PTPRN2: variants seen among roughly 807,000 people sequenced by gnomAD.
The protein encoded by PTPRN2 is protein tyrosine phosphatase receptor type N2.
In PTPRN2, 74 loss-of-function variants were observed where a neutral mutation model predicts 118.8. The observed-to-expected ratio is 0.62, with a 90% CI of 0.52 to 0.76. The LOEUF is 0.76. PTPRN2 is among the 30% of genes least tolerant of loss of function. The probability of loss-of-function intolerance (pLI) is 0.00; values close to 1 mark genes in which losing one functional copy is unlikely to be tolerated. For missense variants in PTPRN2, 1,481 were observed against 1,394.4 expected (o/e 1.06, Z -0.99); for synonymous variants, 641 against 608.0 (o/e 1.05, Z -0.80).
At chr7:158,146,195 G>T (rs1251022926) in intron 6 of PTPRN2, among the ~76,000 whole-genome samples, 2 of 152,118 alleles carry the variant, frequency 1.3e-5, no homozygotes, top group Admixed American at 1.3e-4. Context: ...AGTCACACAA[G>T]CTGACAGGCA....
At chr7:158,391,925 G>C (rs1811960204) in intron 2 of PTPRN2, among the ~76,000 whole-genome samples, 1 of 152,242 alleles carries the variant, frequency 6.6e-6, no homozygotes, top group Non-Finnish European at 1.5e-5. Flanking sequence ...TCAGGAATGA[G>C]CACCTTTGAG....
intron 5 of PTPRN2, among the ~76,000 whole-genome samples, chr7:158,171,711 C>G (rs1563556387): frequency 1.3e-5 from 2 of 152,090 alleles, no homozygotes; most frequent in Non-Finnish European, 2.9e-5. Context: ...GAGAAACTAT[C>G]CAATTAGACT....
At chr7:158,437,069 C>T (rs1387193210) in intron 2 of PTPRN2, among the ~76,000 whole-genome samples, 1 of 152,162 alleles carries the variant, frequency 6.6e-6, no homozygotes, top group Non-Finnish European at 1.5e-5. Flanking sequence ...TTCTCCTCTT[C>T]TGGGACTCCA....
In PTPRN2 at chr7:157,811,281, A is replaced by C. The variant is rs1255635482; in HGVS notation, c.1788+87392T>G. Among the ~76,000 whole-genome samples the C allele has an allele frequency of 3.9e-4, 53 of 136,364 alleles. 1 individual carries two copies. The highest frequency in any genetic ancestry group is 1.4e-3 in the African/African-American group (48 of 34,614). The allele number at this position is 136,364 out of a possible 152,430, so 89.5% of individuals were successfully genotyped here. A position where few individuals can be genotyped will look rare whatever the true frequency, so the allele number is the denominator to read the frequency against. On this transcript the variant is annotated intron_variant, in intron 12 of 22. Coordinates refer to ENST00000389418, the MANE Select transcript of PTPRN2 (RefSeq NM_002847.5). ...GCGAGACTCCATCTCAAAAAAAAAA[A>C]CCCAAAAAAATAAAACAAAAAAAAC...
chr7:158,164,236 G>C (rs1035720442), intron 6 of PTPRN2, among the ~76,000 whole-genome samples: 5 of 151,444 alleles, frequency 3.3e-5, no homozygotes, highest in African/African-American at 9.8e-5. Context: ...GGAAGGGCTC[G>C]CAGAGCAGGA....
chr7:157,644,394 G>C (rs920052586), intron 14 of PTPRN2, among the ~76,000 whole-genome samples: 1 of 152,214 alleles, frequency 6.6e-6, no homozygotes, highest in Non-Finnish European at 1.5e-5. Flanking sequence ...CAGCCTGAGG[G>C]ATGTCGTCAC....
chr7:158,397,576 C>T (rs1283815818), intron 2 of PTPRN2, among the ~76,000 whole-genome samples: 5 of 152,168 alleles, frequency 3.3e-5, no homozygotes, highest in African/African-American at 1.2e-4. Context: ...CAGCACAGGG[C>T]TCCACCCAGG....
intron 3 of PTPRN2, among the ~76,000 whole-genome samples, chr7:158,274,315 G>A (rs1240788463): frequency 1.0e-4 from 13 of 128,102 alleles, no homozygotes; most frequent in South Asian, 2.9e-4. Context: ...ACAAGGAGCC[G>A]CAGCCACAGG....
At chr7:158,279,776 G>GC (rs1799287395) in intron 3 of PTPRN2, among the ~76,000 whole-genome samples, 1 of 152,220 alleles carries the variant, frequency 6.6e-6, no homozygotes, top group Admixed American at 6.5e-5. Context: ...CCAGAGAGGG[G>GC]CCCCCACAGT....
chr7:157,790,050 T>TG (rs1804360124), intron 12 of PTPRN2, among the ~76,000 whole-genome samples: 1 of 66,128 alleles, frequency 1.5e-5, no homozygotes. Flanking sequence ...TGTGTGGTGT[T>TG]TGTGTGGTGT....
intron 12 of PTPRN2, among the ~76,000 whole-genome samples, chr7:157,825,776 C>T (rs538429822): frequency 1.6e-4 from 24 of 152,302 alleles, no homozygotes; most frequent in African/African-American, 2.6e-4. Context: ...GGAGCAGCAG[C>T]GCTGGCCCCA....
chr7:157,915,324 C>A (rs956512936), intron 11 of PTPRN2, among the ~76,000 whole-genome samples: 1 of 152,132 alleles, frequency 6.6e-6, no homozygotes, highest in Non-Finnish European at 1.5e-5. Context: ...CACCTGGGAG[C>A]GTTTGAAGCT....
rs1829020134 is a variant in PTPRN2 at position 158,229,334 on chromosome 7, C to T, written c.278-24061G>A. On this transcript the variant is annotated intron_variant, in intron 3 of 22. Transcript: ENST00000389418. ...AATAAATAATCCTTCAGTGCAAGGA[C>T]ACAGACACACATCAACAAGAAACAG... Among the ~76,000 whole-genome samples the T allele has an allele frequency of 2.6e-5, 4 of 152,160 alleles. No homozygotes were observed. The South Asian group carries it at 8.3e-4, about 32-fold the overall frequency.
intron 12 of PTPRN2, among the ~76,000 whole-genome samples, chr7:157,752,336 A>T (rs916431269): frequency 6.6e-6 from 1 of 152,224 alleles, no homozygotes; most frequent in African/African-American, 2.4e-5. Flanking sequence ...AGGCACAGCC[A>T]CAGCTTCCCA....
chr7:157,606,522 C>T (rs553884234), intron 15 of PTPRN2, among the ~76,000 whole-genome samples: 69 of 152,368 alleles, frequency 4.5e-4, no homozygotes, highest in Non-Finnish European at 8.7e-4. Context: ...CAGGGAAAAC[C>T]TCTTGGTGCT....
intron 3 of PTPRN2, among the ~76,000 whole-genome samples, chr7:158,232,666 A>C (rs572425838): frequency 6.6e-6 from 1 of 152,106 alleles, no homozygotes; most frequent in South Asian, 2.1e-4. Context: ...AGGCATAGAC[A>C]CAAAAATCTT....
intron 3 of PTPRN2, among the ~76,000 whole-genome samples, chr7:158,302,745 G>A (rs1379773488): frequency 1.3e-5 from 2 of 152,238 alleles, no homozygotes; most frequent in Non-Finnish European, 2.9e-5. Flanking sequence ...AATGCTCAGA[G>A]CACAGCCTGC....
intron 4 of PTPRN2, among the ~76,000 whole-genome samples, chr7:158,204,033 C>G (rs906054544): frequency 1.1e-4 from 17 of 151,504 alleles, no homozygotes; most frequent in African/African-American, 4.1e-4. Flanking sequence ...TCAGCGTGAG[C>G]CGCGTTCTGG....
At chr7:158,448,407 G>A (rs181134155) in intron 2 of PTPRN2, among the ~76,000 whole-genome samples, 1 of 152,302 alleles carries the variant, frequency 6.6e-6, no homozygotes, top group Non-Finnish European at 1.5e-5. Flanking sequence ...GGAGGAGGGA[G>A]GTTGGTTTCC....
Sources: gnomAD v4.1 joint callset for allele counts (sites outside exome capture counted in the v4.1 genomes callset) on GRCh38, gnomAD v4.1.1 for gene constraint, MANE v1.5 for transcripts, NCBI Gene and HGNC (gene_info 2026-07-23, HGNC 2026-07-21) for gene names.